PCOLCE2: variants seen among roughly 807,000 people sequenced by gnomAD.
PCOLCE2 encodes the protein procollagen C-proteinase enhancer 2.
PCOLCE2 carries 42 observed loss-of-function variants against 47.0 expected under a neutral mutation model. That is an observed-to-expected ratio of 0.89 (90% CI 0.70 to 1.16). PCOLCE2 has a LOEUF of 1.16. Among genes scored for constraint, PCOLCE2 ranks in the 50% most tolerant of loss-of-function variants. The pLI, the probability that PCOLCE2 is intolerant of heterozygous loss-of-function variation, is 0.00. For synonymous variants in PCOLCE2, 169 were observed against 191.7 expected (o/e 0.88, Z 0.98); for missense variants, 500 against 526.1 (o/e 0.95, Z 0.49).
chr3:142,845,559 G>A (rs1560134282), intron 3 of PCOLCE2, among the ~76,000 whole-genome samples: 1 of 152,178 alleles, frequency 6.6e-6, no homozygotes, highest in Admixed American at 6.5e-5. Flanking sequence ...TTCTACCAGT[G>A]TAAGTATAAA....
intron 2 of PCOLCE2, among the ~76,000 whole-genome samples, chr3:142,858,557 CAT>C (rs1316233382): frequency 4.6e-5 from 7 of 152,126 alleles, no homozygotes; most frequent in Non-Finnish European, 8.8e-5. Context: ...TAGGATAAAA[CAT>C]AAACTCCAAG....
chr3:142,853,266 C>G (rs566690303), intron 2 of PCOLCE2, among the ~76,000 whole-genome samples: 3 of 152,200 alleles, frequency 2.0e-5, no homozygotes, highest in African/African-American at 7.2e-5. Flanking sequence ...CACTTCTGCC[C>G]TTCTCTCACT....
intron 2 of PCOLCE2, among the ~76,000 whole-genome samples, chr3:142,857,451 C>G (rs369136694): frequency 3.3e-5 from 5 of 152,240 alleles, no homozygotes; most frequent in Non-Finnish European, 7.3e-5. Context: ...CTAGACAAGA[C>G]CACGGCAAAA....
At chr3:142,885,199 G>C (rs145871559) in intron 2 of PCOLCE2, among the ~76,000 whole-genome samples, 33 of 152,294 alleles carry the variant, frequency 2.2e-4, no homozygotes, top group African/African-American at 7.9e-4. Context: ...TGATATGATA[G>C]AGTTTAATGA....
intron 2 of PCOLCE2, among the ~76,000 whole-genome samples, chr3:142,850,179 G>C (rs192098762): frequency 1.3e-3 from 198 of 152,100 alleles, no homozygotes; most frequent in Non-Finnish European, 1.2e-3. Context: ...TTTGTTTTTT[G>C]TTTTGCACAC....
intron 1 of PCOLCE2, chr3:142,888,595 G>A (rs1933761535): frequency 2.4e-6 from 1 of 413,114 alleles, no homozygotes; most frequent in Non-Finnish European, 4.3e-6. Context: ...GGCAGGCCGG[G>A]CTGGGGACCC....
rs1937353348 is a variant in PCOLCE2, at chr3:142,848,432, A to C, written c.233T>G (p.Ile78Arg). 1 of 1,604,818 alleles carries C rather than the reference A, an allele frequency of 6.2e-7. No homozygotes were observed. ...GKVVVLNFRF[I>R]DLESDNLCRY... The stretch of plus-strand genomic sequence containing the variant: ...GCACAGGTTGTCACTCTCGAGGTCT[A>C]TGAATCGGAAATTGAGAACGACTAC... Residue 78 changes from isoleucine (I) to arginine (R), a missense_variant, in exon 3 of 9, where the codon ATA becomes AGA. By Grantham distance (97) the Ile-to-Arg change is moderately conservative. Coordinates refer to ENST00000295992, the MANE Select transcript of PCOLCE2 (RefSeq NM_013363.4).
chr3:142,864,359 G>C (rs1273567122), intron 2 of PCOLCE2: 1 of 152,178 alleles, frequency 6.6e-6, no homozygotes, highest in Non-Finnish European at 1.5e-5. Context: ...ATGCCATATA[G>C]AGCAGTTCTG....
At chr3:142,847,058 T>C (rs1332166944) in intron 3 of PCOLCE2, among the ~76,000 whole-genome samples, 2 of 152,234 alleles carry the variant, frequency 1.3e-5, no homozygotes, top group African/African-American at 4.8e-5. Context: ...CATTATACTC[T>C]AGATTCTGTT....
At chr3:142,866,224 G>C (rs1933279831) in intron 2 of PCOLCE2, among the ~76,000 whole-genome samples, 1 of 152,104 alleles carries the variant, frequency 6.6e-6, no homozygotes, top group Non-Finnish European at 1.5e-5. Context: ...ATCTGTTGAG[G>C]GCCCAAGTAG....
intron 2 of PCOLCE2, among the ~76,000 whole-genome samples, chr3:142,867,021 A>T (rs1291331649): frequency 6.6e-6 from 1 of 152,220 alleles, no homozygotes; most frequent in Non-Finnish European, 1.5e-5. Context: ...GGTAGAAGCC[A>T]CATTTGCATA....
chr3:142,838,751 A>C lies in PCOLCE2; in HGVS notation c.710+19T>G, dbSNP rs1578034154. ...TTAGAGCCATAAAACTATTAAAGAC[A>C]TAAATAGGTGCTACTTACGCAGGTG... On this transcript the variant is annotated intron_variant, in intron 5 of 8. Coordinates refer to ENST00000295992, the MANE Select transcript of PCOLCE2 (RefSeq NM_013363.4). The C allele has an allele frequency of 3.1e-6, 5 of 1,607,984 alleles. No homozygotes were observed. In the African/African-American group the frequency reaches 5.3e-5, roughly 17 times the overall value.
chr3:142,867,292 T>C lies in PCOLCE2; in HGVS notation c.193-18820A>G, dbSNP rs79991700. 5.0e-3 allele frequency among the ~76,000 whole-genome samples: 767 copies of C among 152,242 alleles called. 4 individuals are homozygous for C. Among genetic ancestry groups the C allele is most frequent in the African/African-American group, 0.017 (708 of 41,522 alleles). ...TGTTGCTAATTTTCTTGGTGCGAGA[T>C]AAAGGACCCTGGGTGTTTCCCCAGA... On this transcript the variant is annotated intron_variant, in intron 2 of 8. Transcript: ENST00000295992.
chr3:142,843,896 G>A (rs1280787270), intron 3 of PCOLCE2, among the ~76,000 whole-genome samples: 1 of 151,974 alleles, frequency 6.6e-6, no homozygotes, highest in East Asian at 1.9e-4. Context: ...TAAAAATGGA[G>A]GTTGGAATAA....
At chr3:142,839,380 T>C (rs540381736) in intron 4 of PCOLCE2, among the ~76,000 whole-genome samples, 4 of 152,218 alleles carry the variant, frequency 2.6e-5, no homozygotes, top group African/African-American at 4.8e-5. Flanking sequence ...TGGTGCAATG[T>C]CAGCTCACTG....
intron 2 of PCOLCE2, among the ~76,000 whole-genome samples, chr3:142,854,944 T>G (rs549721044): frequency 5.9e-5 from 9 of 152,336 alleles, no homozygotes; most frequent in Non-Finnish European, 1.2e-4. Flanking sequence ...ATATATCCCC[T>G]TATCTCTCAT....
At chr3:142,882,939 G>A (rs1004969858) in intron 2 of PCOLCE2, among the ~76,000 whole-genome samples, 5 of 152,014 alleles carry the variant, frequency 3.3e-5, no homozygotes, top group Admixed American at 1.3e-4. Context: ...AGTAGCTCAC[G>A]CCTGTAATCC....
At chr3:142,838,736 A>G in intron 5 of PCOLCE2, 34 bp downstream of exon 5, 1 of 1,583,372 alleles carries the variant, frequency 6.3e-7, no homozygotes, top group Admixed American at 1.7e-5. Flanking sequence ...TTAGAGCCAT[A>G]AAACTATTAA....
In PCOLCE2 at chr3:142,886,611, GC is replaced by G. The variant is rs566240800; in HGVS notation, c.192+1057del. On this transcript the variant is annotated intron_variant, in intron 2 of 8. Coordinates refer to ENST00000295992, the MANE Select transcript of PCOLCE2 (RefSeq NM_013363.4). ...TTATGGAAGGGGACCTCTCATATCT[GC>G]CTGCAAAATGACCTCAGTGGGAATA... is the stretch of plus-strand genomic sequence containing the variant. Among the ~76,000 whole-genome samples the G allele has an allele frequency of 2.0e-4, 31 of 152,294 alleles. No individual in the cohort carries two copies. In the East Asian group the frequency reaches 5.6e-3, roughly 27 times the overall value.
Sources: gnomAD v4.1 joint callset for allele counts (sites outside exome capture counted in the v4.1 genomes callset) on GRCh38, gnomAD v4.1.1 for gene constraint, MANE v1.5 for transcripts, NCBI Gene and HGNC (gene_info 2026-07-23, HGNC 2026-07-21) for gene names.